The following EDC3 variants were observed in gnomAD, a reference collection of about 807,000 sequenced individuals.
EDC3 encodes enhancer of mRNA-decapping protein 3.
Under a neutral mutation model 41.8 loss-of-function variants are expected in EDC3, and 20 were observed. The observed-to-expected ratio is 0.48, with a 90% CI of 0.34 to 0.70. EDC3 has a LOEUF of 0.70. Ranked by LOEUF, EDC3 falls within the 30% of genes least tolerant of loss-of-function variation. The probability of loss-of-function intolerance (pLI) is 0.01; values close to 1 mark genes in which losing one functional copy is unlikely to be tolerated. For synonymous variants in EDC3, 206 were observed against 243.2 expected, an observed-to-expected ratio of 0.85 and a Z score of 1.42; for missense variants, 444 against 636.8, an observed-to-expected ratio of 0.70 and a Z score of 3.26.
chr15:74,637,986 C>T (rs1475534253), intron 5 of EDC3: 1 of 152,274 alleles, frequency 6.6e-6, no homozygotes, highest in Non-Finnish European at 1.5e-5. Flanking sequence ...CACTCTCCCA[C>T]AAGGTTGCCT....
chr15:74,663,088 A>T (rs2062639030), intron 3 of EDC3, among the ~76,000 whole-genome samples: 1 of 152,118 alleles, frequency 6.6e-6, no homozygotes, highest in Admixed American at 6.6e-5. Context: ...GGAGTTCGAG[A>T]CCAACCTGGC....
In EDC3 at chr15:74,632,289, C is replaced by T. The variant is rs1223742736; in HGVS notation, c.*323G>A. ...ACTCTTCAATGTGTGTGCCCAGGCC[C>T]AGTGGCTGTAAACCTGAAACACAGT... is the stretch of plus-strand genomic sequence containing the variant. On this transcript the variant is annotated 3_prime_UTR_variant, in exon 7 of 7. Coordinates refer to ENST00000315127, the MANE Select transcript of EDC3 (RefSeq NM_025083.5). This position sits in a 1 kb window ranked among gnomAD's most constrained non-coding sequence, Gnocchi z 4.0. 1 of 370,280 alleles carries T rather than the reference C, an allele frequency of 2.7e-6. No homozygotes were observed. The highest frequency in any genetic ancestry group is 5.0e-6 in the Non-Finnish European group (1 of 198,812). The allele number at this position is 370,280 out of a possible 1,614,324, so 22.9% of individuals were successfully genotyped here.
At position 74,662,470 on chromosome 15, in the gene EDC3, AAGTT is replaced by A. The variant is rs1430907935; in HGVS notation, c.485-6406_485-6403del. ...TAAAAAGCAAACACTAGCCAATCAA[AAGTT>A]AGAAGTCTAAAAAGAGGTTATAAAA... On this transcript the variant is annotated intron_variant, in intron 3 of 6. Transcript: ENST00000315127. Among the ~76,000 whole-genome samples the A allele has an allele frequency of 2.0e-5, 3 of 151,724 alleles. No homozygotes were observed. The South Asian group carries it at 6.2e-4, about 31-fold the overall frequency.
intron 6 of EDC3, among the ~76,000 whole-genome samples, chr15:74,634,822 T>TAC (rs1361774865): frequency 1.3e-5 from 2 of 152,206 alleles, no homozygotes; most frequent in African/African-American, 4.8e-5. Context: ...CTGTGTAGTC[T>TAC]ACTCTCAAAC....
In EDC3 at chr15:74,659,476, T is replaced by C. The variant is rs572965142; in HGVS notation, c.485-3408A>G. Among the ~76,000 whole-genome samples the C allele has an allele frequency of 9.6e-4, 81 of 84,492 alleles. No individual in the cohort carries two copies. In the South Asian group the frequency reaches 0.036, roughly 37 times the overall value. 55.4% of individuals were successfully genotyped at this position (84,492 alleles called of 152,430 possible). ...ACTTCGACTCAAAAAAATAAATAAATAAAAAATAGAAATATATATATATAT... is the reference window on the plus strand; with the variant it reads ...ACTTCGACTCAAAAAAATAAATAAACAAAAAATAGAAATATATATATATAT... On this transcript the variant is annotated intron_variant, in intron 3 of 6. Transcript: ENST00000315127.
In EDC3 at chr15:74,635,638, G is replaced by A; in HGVS notation, c.975-12C>T. On this transcript the variant is annotated splice_polypyrimidine_tract_variant and intron_variant, in intron 5 of 6. Coordinates refer to ENST00000315127, the MANE Select transcript of EDC3 (RefSeq NM_025083.5). The stretch of plus-strand genomic sequence containing the variant: ...TTTTGGGATTCAACCTGGAAAAGAA[G>A]GTGAAGAAGCAGTATCAGCTACATA... 2 of 1,610,772 alleles carry A rather than the reference G, an allele frequency of 1.2e-6. No homozygotes were observed. Among genetic ancestry groups the A allele is most frequent in the Non-Finnish European group, 8.5e-7 (1 of 1,177,336 alleles).
intron 5 of EDC3, 37 bp downstream of exon 5, chr15:74,640,429 C>T (rs1297475897): frequency 6.2e-7 from 1 of 1,608,942 alleles, no homozygotes; most frequent in African/African-American, 1.3e-5. Flanking sequence ...AGCATCCTTA[C>T]TCCACATTGA....
chr15:74,676,313 A>G (rs1172692461), intron 1 of EDC3, among the ~76,000 whole-genome samples: 1 of 152,170 alleles, frequency 6.6e-6, no homozygotes, highest in Non-Finnish European at 1.5e-5. Context: ...TCTAAAATCA[A>G]TTGTCTAAGC....
At chr15:74,642,572 T>C (rs898079750) in intron 4 of EDC3, 1 of 152,258 alleles carries the variant, frequency 6.6e-6, no homozygotes, top group African/African-American at 2.4e-5. Flanking sequence ...AAACACCCTC[T>C]TTACCTGCAG....
chr15:74,655,087 C>T (rs1253351953), intron 4 of EDC3, among the ~76,000 whole-genome samples: 1 of 152,092 alleles, frequency 6.6e-6, no homozygotes, highest in African/African-American at 2.4e-5. Context: ...TCTCACACTG[C>T]TTTAATCTGT....
intron 1 of EDC3, chr15:74,679,819 TGGGAGCCTGAGGCAGGAAGGGAGCTTG>T (rs1187586057): frequency 6.7e-6 from 1 of 149,578 alleles, no homozygotes; most frequent in Non-Finnish European, 1.5e-5. Flanking sequence ...CTCAGCTACT[TGGGAGCCTGAGGCAGGAAGGGAGCTTG>T]GGCCCATGAG....
At chr15:74,651,573 C>T (rs1014157846) in intron 4 of EDC3, among the ~76,000 whole-genome samples, 1 of 152,214 alleles carries the variant, frequency 6.6e-6, no homozygotes, top group African/African-American at 2.4e-5. Flanking sequence ...GCACCAGCAG[C>T]AAGCTGTCAG....
rs1032634240 is a variant in EDC3 at position 74,632,524 on chromosome 15, T to A, written c.*88A>T. ...AACAAACCCAAAAGAGAAAAAACTT[T>A]AACAAGGTCCATGAAGCTTCATATC... is the stretch of plus-strand genomic sequence containing the variant. On this transcript the variant is annotated 3_prime_UTR_variant, in exon 7 of 7. Transcript: ENST00000315127. The surrounding 1 kb of genome is among the most constrained non-coding windows in gnomAD (Gnocchi z 4.0). 1.4e-6 allele frequency: 2 copies of A among 1,456,042 alleles called. No individual in the cohort carries two copies. Among genetic ancestry groups the A allele is most frequent in the Non-Finnish European group, 1.9e-6 (2 of 1,078,596 alleles). 90.2% of individuals were successfully genotyped at this position (1,456,042 alleles called of 1,614,324 possible). A position where few individuals can be genotyped will look rare whatever the true frequency, so the allele number is the denominator to read the frequency against.
In EDC3 at chr15:74,631,590, G is replaced by C. The variant is rs2062208918; in HGVS notation, c.*1022C>G. ...ATGTAAGAGCTGGGGTGGAGCTCAA[G>C]CACGGGAGCCCATCTGCCTGCTCTG... On this transcript the variant is annotated 3_prime_UTR_variant, in exon 7 of 7. Coordinates refer to ENST00000315127, the MANE Select transcript of EDC3 (RefSeq NM_025083.5). 3 of 152,748 alleles carry C rather than the reference G, an allele frequency of 2.0e-5. No individual in the cohort carries two copies. The highest frequency in any genetic ancestry group is 3.4e-3 in the Middle Eastern group (1 of 294). 9.5% of individuals were successfully genotyped at this position (152,748 alleles called of 1,614,324 possible).
chr15:74,677,656 C>T (rs1024185524), intron 1 of EDC3, among the ~76,000 whole-genome samples: 1 of 152,100 alleles, frequency 6.6e-6, no homozygotes, highest in Non-Finnish European at 1.5e-5. Flanking sequence ...AGGCATGAGC[C>T]ACTGTGCCTA....
intron 4 of EDC3, chr15:74,644,297 C>T (rs1278917920): frequency 1.3e-5 from 2 of 152,272 alleles, no homozygotes; most frequent in East Asian, 3.8e-4. Context: ...GCTTCACATG[C>T]TTTCTCCATC....
intron 6 of EDC3, among the ~76,000 whole-genome samples, chr15:74,633,887 C>T (rs1028165178): frequency 6.6e-6 from 1 of 152,186 alleles, no homozygotes; most frequent in Non-Finnish European, 1.5e-5. Flanking sequence ...GAATGTGCCA[C>T]CGGGGGGAGT....
chr15:74,635,842 C>T, intron 5 of EDC3: 2 of 579,318 alleles, frequency 3.5e-6, no homozygotes, highest in South Asian at 2.1e-5. Context: ...ATTGCTGGGT[C>T]CTCCCACTAA....
intron 2 of EDC3, among the ~76,000 whole-genome samples, chr15:74,672,659 G>T (rs2062752893): frequency 6.6e-6 from 1 of 152,000 alleles, no homozygotes; most frequent in Non-Finnish European, 1.5e-5. Flanking sequence ...CAACTAAATA[G>T]AAATGATTAG....
Sources: allele counts gnomAD v4.1 joint callset (sites outside exome capture counted in the v4.1 genomes callset), GRCh38; gene constraint gnomAD v4.1.1; non-coding constraint Gnocchi (gnomAD v3.1); transcripts MANE v1.5; gene names NCBI Gene and HGNC (gene_info 2026-07-23, HGNC 2026-07-21).